The following NOX4 variants were observed in gnomAD, a reference collection of about 807,000 sequenced individuals.
NOX4 encodes kidney oxidase-1.
In NOX4, 69 loss-of-function variants were observed where a neutral mutation model predicts 87.6. That is an observed-to-expected ratio of 0.79 (90% CI 0.65 to 0.96). The LOEUF (loss-of-function observed/expected upper bound fraction) is 0.96. Ranked by LOEUF, NOX4 falls within the 40% of genes least tolerant of loss-of-function variation. NOX4 has a pLI of 0.00. For synonymous variants in NOX4, 275 were observed against 238.2 expected, an observed-to-expected ratio of 1.15 and a Z score of -1.42; for missense variants, 680 against 681.5, an observed-to-expected ratio of 1.00 and a Z score of 0.02.
At chr11:89,555,237 A>G in the NOX4 span, among the ~76,000 whole-genome samples, 5 of 152,062 alleles carry the variant, frequency 3.3e-5, no homozygotes, top group African/African-American at 1.2e-4. Context: ...AAATCCTAAC[A>G]CTTTGGAAGG....
intron 2 of NOX4, among the ~76,000 whole-genome samples, chr11:89,486,488 T>TG: frequency 7.6e-6 from 1 of 132,302 alleles, no homozygotes; most frequent in African/African-American, 3.0e-5. Flanking sequence ...GTGTGTGTGT[T>TG]TGTGTGCATA....
At chr11:89,329,094 A>G (rs1945341667) in intron 17 of NOX4, among the ~76,000 whole-genome samples, 1 of 152,048 alleles carries the variant, frequency 6.6e-6, no homozygotes, top group African/African-American at 2.4e-5. Context: ...ACAGGCTCAG[A>G]ATGATAGAGA....
intron 17 of NOX4, 73 bp from the exon 18 acceptor site, chr11:89,326,949 G>A (rs557814403): frequency 4.1e-5 from 59 of 1,436,140 alleles, no homozygotes; most frequent in Admixed American, 7.3e-5. Context: ...TATGCTTTAT[G>A]AGCATGGTTT....
At chr11:89,372,419 A>T (rs1306576640) in intron 12 of NOX4, among the ~76,000 whole-genome samples, 1 of 152,064 alleles carries the variant, frequency 6.6e-6, no homozygotes, top group African/African-American at 2.4e-5. Flanking sequence ...CTTTTGTTTG[A>T]TTGACTTTGT....
the NOX4 span, among the ~76,000 whole-genome samples, chr11:89,573,440 G>A: frequency 1.3e-5 from 2 of 152,206 alleles, no homozygotes; most frequent in African/African-American, 2.4e-5. Flanking sequence ...TCAGGAGGCT[G>A]AGGCAGGAGA....
At chr11:89,402,749 C>A (rs1941950173) in intron 8 of NOX4, among the ~76,000 whole-genome samples, 1 of 151,978 alleles carries the variant, frequency 6.6e-6, no homozygotes, top group African/African-American at 2.4e-5. Flanking sequence ...AGAACTAAAA[C>A]AAAAATTTTG....
the NOX4 span, among the ~76,000 whole-genome samples, chr11:89,572,033 G>T: frequency 6.6e-6 from 1 of 152,270 alleles, no homozygotes. Flanking sequence ...ACAGTCTTTT[G>T]CCTCCGCCCC....
chr11:89,522,399 A>G, the NOX4 span, among the ~76,000 whole-genome samples: 4 of 152,310 alleles, frequency 2.6e-5, no homozygotes, highest in Admixed American at 2.0e-4. Context: ...AAGCAAATTA[A>G]CAGGAACAGA....
rs12799134 is a variant in NOX4, at chr11:89,335,991, A to C, written c.1516-46T>G. The C allele has an allele frequency of 8.3e-5, 99 of 1,189,932 alleles. No homozygotes were observed. The African/African-American group carries it at 1.3e-3, about 16-fold the overall frequency. The allele number at this position is 1,189,932 out of a possible 1,614,324, so 73.7% of individuals were successfully genotyped here. A position where few individuals can be genotyped will look rare whatever the true frequency, so the allele number is the denominator to read the frequency against. On this transcript the variant is annotated intron_variant, in intron 16 of 17. Coordinates refer to ENST00000263317, the MANE Select transcript of NOX4 (RefSeq NM_016931.5). ...CATTATTCGATATTTAGTTAAGTAA[A>C]CCAGTTCTCTAACATCATTTCTGCT...
upstream of NOX4, among the ~76,000 whole-genome samples, chr11:89,494,743 G>T (rs10830280): frequency 0.12 from 17,527 of 152,154 alleles, 1,318 homozygotes; most frequent in East Asian, 0.27. Context: ...CCTTAAAATG[G>T]ATGTTACCAA....
At chr11:89,554,160 AG>A in the NOX4 span, among the ~76,000 whole-genome samples, 3 of 152,016 alleles carry the variant, frequency 2.0e-5, no homozygotes, top group East Asian at 1.9e-4. Context: ...TCAAAATAAA[AG>A]GGGGGGAGGG....
chr11:89,404,549 T>C (rs1350866594), intron 8 of NOX4, among the ~76,000 whole-genome samples: 1 of 152,166 alleles, frequency 6.6e-6, no homozygotes, highest in Non-Finnish European at 1.5e-5. Flanking sequence ...CAGGGAAATG[T>C]ATATGCATTT....
At chr11:89,420,174 T>C (rs1187765736) in intron 8 of NOX4, among the ~76,000 whole-genome samples, 5 of 152,172 alleles carry the variant, frequency 3.3e-5, no homozygotes, top group African/African-American at 1.2e-4. Context: ...AGCTGCTTAA[T>C]CTTTCTAAAC....
the NOX4 span, among the ~76,000 whole-genome samples, chr11:89,546,055 T>C: frequency 6.6e-6 from 1 of 152,334 alleles, no homozygotes; most frequent in East Asian, 1.9e-4. Flanking sequence ...ATTTTAAGCA[T>C]TGTGGCTGTT....
chr11:89,589,150 C>T, the NOX4 span, among the ~76,000 whole-genome samples: 1 of 152,320 alleles, frequency 6.6e-6, no homozygotes, highest in East Asian at 1.9e-4. Context: ...CATCTGGAGT[C>T]TCTCTCTTGG....
At position 89,445,275 on chromosome 11, in the gene NOX4, GA is replaced by G. The variant is rs1050999502; in HGVS notation, c.350-1044del. Reference sequence around the variant, plus strand: ...AAAAGAAGACATAGCCTGGAATCTAGAAAACTCTATAATTTCCCACAACCCA... The same window carrying G: ...AAAAGAAGACATAGCCTGGAATCTAGAAACTCTATAATTTCCCACAACCCA... On this transcript the variant is annotated intron_variant, in intron 4 of 17. Transcript: ENST00000263317. Among the ~76,000 whole-genome samples, 33 of 152,112 alleles carry G rather than the reference GA, an allele frequency of 2.2e-4. No homozygotes were observed. In the East Asian group the frequency reaches 6.2e-3, roughly 28 times the overall value.
intron 12 of NOX4, among the ~76,000 whole-genome samples, chr11:89,359,125 CAT>C (rs1938315157): frequency 6.6e-6 from 1 of 152,204 alleles, no homozygotes; most frequent in African/African-American, 2.4e-5. Flanking sequence ...ACCTGGATGA[CAT>C]ACTGCACACA....
chr11:89,553,851 C>T, the NOX4 span, among the ~76,000 whole-genome samples: 20 of 148,992 alleles, frequency 1.3e-4, no homozygotes, highest in African/African-American at 4.9e-4. Flanking sequence ...CTGGAATTGG[C>T]TTTACTTAGA....
At chr11:89,345,575 C>T (rs145821589) in intron 13 of NOX4, among the ~76,000 whole-genome samples, 15 of 152,162 alleles carry the variant, frequency 9.9e-5, no homozygotes, top group South Asian at 4.1e-4. Flanking sequence ...TTTTTCAATC[C>T]CTGCACCTTT....
Sources: gnomAD v4.1 joint callset for allele counts (sites outside exome capture counted in the v4.1 genomes callset) on GRCh38, gnomAD v4.1.1 for gene constraint, MANE v1.5 for transcripts, NCBI Gene and HGNC (gene_info 2026-07-23, HGNC 2026-07-21) for gene names.